CLN5: variants seen among roughly 807,000 people sequenced by gnomAD.
CLN5 encodes the protein CLN5 lysosomal BMP synthase, also known as bis(monoacylglycero)phosphate synthase CLN5.
CLN5 carries 34 observed loss-of-function variants against 36.7 expected under a neutral mutation model. The ratio of observed to expected loss-of-function variants is 0.93; its 90% CI spans 0.71 to 1.23. CLN5 has a LOEUF of 1.23. Ranked by LOEUF, CLN5 falls within the 50% of genes most tolerant of loss-of-function variation. The pLI, the probability that CLN5 is intolerant of heterozygous loss-of-function variation, is 0.00. For synonymous variants in CLN5, 151 were observed against 155.1 expected (o/e 0.97, Z 0.20); for missense variants, 427 against 439.4 (o/e 0.97, Z 0.25).
chr13:76,998,974 A>G (rs375194106), intron 3 of CLN5: 3 of 152,200 alleles, frequency 2.0e-5, no homozygotes, highest in Non-Finnish European at 2.9e-5. Flanking sequence ...AGTGATCACT[A>G]TTTTTTGTAA....
Position 77,001,049 on chromosome 13 carries a change from C to A in CLN5, c.*80C>A. The stretch of plus-strand genomic sequence containing the variant: ...GGGGTGATTTTACTTTTGTGAATTC[C>A]TTAGCCTTTCTTCCTTGGTGCATAA... On this transcript the variant is annotated 3_prime_UTR_variant, in exon 4 of 4. Coordinates refer to ENST00000377453, the MANE Select transcript of CLN5 (RefSeq NM_006493.4). The A allele has an allele frequency of 1.6e-6, 2 of 1,258,948 alleles. No individual in the cohort carries two copies. The highest frequency in any genetic ancestry group is 2.3e-6 in the Non-Finnish European group (2 of 885,738). The allele number at this position is 1,258,948 out of a possible 1,614,324, so 78.0% of individuals were successfully genotyped here.
At position 76,995,245 on chromosome 13, in the gene CLN5, G is replaced by T. The variant is rs753855242; in HGVS notation, c.339+17G>T. On this transcript the variant is annotated intron_variant, in intron 2 of 3. Coordinates refer to ENST00000377453, the MANE Select transcript of CLN5 (RefSeq NM_006493.4). ...GGACACTTGGTAAGGATGCATCTTG[G>T]TCTTATAACTTTGGTTAATTCAATG... 3 of 1,612,098 alleles carry T rather than the reference G, an allele frequency of 1.9e-6. No homozygotes were observed. Among genetic ancestry groups the T allele is most frequent in the African/African-American group, 1.3e-5 (1 of 74,848 alleles).
chr13:76,992,388 G>A (rs893001001), intron 1 of CLN5, 117 bp downstream of exon 1: 2 of 1,196,912 alleles, frequency 1.7e-6, no homozygotes. Context: ...GAGATGGTGC[G>A]GGGACAGCGC....
rs946887350 is a variant in CLN5, at chr13:76,996,231, G to A, written c.565+104G>A. The stretch of plus-strand genomic sequence containing the variant: ...CATTTCAGTAATGTTTTACTTAGAG[G>A]TCATTTGTAAAATGTACTTTTGGAA... On this transcript the variant is annotated intron_variant, in intron 3 of 3. Transcript: ENST00000377453. 6 of 994,144 alleles carry A rather than the reference G, an allele frequency of 6.0e-6. No individual in the cohort carries two copies. In the Admixed American group the frequency reaches 1.1e-4, roughly 18 times the overall value. 61.6% of individuals were successfully genotyped at this position (994,144 alleles called of 1,614,324 possible). A position where few individuals can be genotyped will look rare whatever the true frequency, so the allele number is the denominator to read the frequency against.
chr13:76,996,333 C>A (rs781382009), intron 3 of CLN5: 3 of 551,872 alleles, frequency 5.4e-6, no homozygotes, highest in Non-Finnish European at 6.4e-6. Context: ...TTGTGGGGAA[C>A]TGGTTATGTT....
rs760343764 is a variant in CLN5, at chr13:77,000,443, GT to G, written c.566-8del. Reference sequence around the variant, plus strand: ...TTTGTTCACTAGGTGACTTTGTTTTGTTTTTTTAAACTAGGAAACATGTTCA... The same window carrying G: ...TTTGTTCACTAGGTGACTTTGTTTTGTTTTTTAAACTAGGAAACATGTTCA... On this transcript the variant is annotated splice_polypyrimidine_tract_variant and intron_variant, in intron 3 of 3. Transcript: ENST00000377453. 2 of 1,588,958 alleles carry G rather than the reference GT, an allele frequency of 1.3e-6. No individual in the cohort carries two copies. The highest frequency in any genetic ancestry group is 2.2e-5 in the South Asian group (2 of 89,390).
At position 77,000,511 on chromosome 13, in the gene CLN5, A is replaced by T; in HGVS notation, c.619A>T (p.Ile207Phe). 6.2e-7 allele frequency: 1 copy of T among 1,613,926 alleles called. No homozygotes were observed. The highest frequency in any genetic ancestry group is 1.1e-5 in the South Asian group (1 of 91,022). Residue 207 changes from isoleucine (I) to phenylalanine (F), a missense_variant, in exon 4 of 4, where the codon ATT becomes TTT. Transcript: ENST00000377453. ...KWVKQDNETG[I>F]YYETWNVKAS... ...GGTGAAACAGGACAATGAAACAGGAATTTATTATGAGACATGGAATGTAAA... is the reference window on the plus strand; with the variant it reads ...GGTGAAACAGGACAATGAAACAGGATTTTATTATGAGACATGGAATGTAAA...
chr13:77,001,436 A>C lies in CLN5; in HGVS notation c.*467A>C, dbSNP rs1422503163. On this transcript the variant is annotated 3_prime_UTR_variant, in exon 4 of 4. Transcript: ENST00000377453. ...ACAACTTCTATAACTTTTGGAACCA[A>C]GTTTAGTATAGTCTGATTACATTCC... The C allele has an allele frequency of 6.3e-6, 1 of 157,774 alleles. No individual in the cohort carries two copies. The highest frequency in any genetic ancestry group is 1.4e-5 in the Non-Finnish European group (1 of 72,060). 9.8% of individuals were successfully genotyped at this position (157,774 alleles called of 1,614,324 possible). A position where few individuals can be genotyped will look rare whatever the true frequency, so the allele number is the denominator to read the frequency against.
At chr13:76,996,695 CATTG>C (rs1648596637) in intron 3 of CLN5, 1 of 154,144 alleles carries the variant, frequency 6.5e-6, no homozygotes, top group South Asian at 2.0e-4. Context: ...TTTATCCACT[CATTG>C]ATTGATGGGC....
intron 3 of CLN5, 124 bp downstream of exon 3, chr13:76,996,251 T>C: frequency 1.2e-6 from 1 of 834,178 alleles, no homozygotes; most frequent in Non-Finnish European, 1.9e-6. Flanking sequence ...AAATGTACTT[T>C]TGGAACCATT....
intron 1 of CLN5, 168 bp from the exon 2 acceptor site, chr13:76,994,895 A>G: frequency 3.3e-6 from 2 of 611,902 alleles, no homozygotes; most frequent in Non-Finnish European, 5.6e-6. Context: ...TTGCTATTAA[A>G]AACATTATTG....
intron 1 of CLN5, 110 bp downstream of exon 1, chr13:76,992,381 A>G: frequency 7.9e-7 from 1 of 1,266,604 alleles, no homozygotes; most frequent in Non-Finnish European, 1.1e-6. Context: ...GGGTCACGAG[A>G]TGGTGCGGGG....
intron 1 of CLN5, chr13:76,993,066 T>C (rs2034207537): frequency 6.6e-6 from 1 of 152,238 alleles, no homozygotes; most frequent in Non-Finnish European, 1.5e-5. Context: ...AATTTTAACT[T>C]ACTAGCATAA....
Position 76,995,992 on chromosome 13 carries a change from T to C in CLN5, c.430T>C (p.Cys144Arg), listed in dbSNP as rs1593911055. The stretch of plus-strand genomic sequence containing the variant: ...GTATGAACTTTTCCAACTTGGCAAC[T>C]GTACATTTCCCCATCTCCGACCTGA... ...EWYELFQLGNCTFPHLRPEMD... is the reference protein window; with the variant it reads ...EWYELFQLGNRTFPHLRPEMD... The change falls in exon 3 of 4, where the codon TGT becomes CGT. Residue 144 changes from cysteine to arginine, a missense_variant. By Grantham distance (180) the Cys-to-Arg change is radical (BLOSUM62 -3). Coordinates refer to ENST00000377453, the MANE Select transcript of CLN5 (RefSeq NM_006493.4). The C allele has an allele frequency of 6.2e-7, 1 of 1,614,124 alleles. No homozygotes were observed. Among genetic ancestry groups the C allele is most frequent in the Non-Finnish European group, 8.5e-7 (1 of 1,180,050 alleles).
chr13:76,995,724 G>A, intron 2 of CLN5, 178 bp from the exon 3 acceptor site: 1 of 662,436 alleles, frequency 1.5e-6, no homozygotes, highest in Non-Finnish European at 2.7e-6. Context: ...AAGCTGGGGT[G>A]GATGAGGGCC....
At chr13:76,999,596 A>C (rs375660520) in intron 3 of CLN5, 1 of 152,402 alleles carries the variant, frequency 6.6e-6, no homozygotes, top group East Asian at 1.9e-4. Context: ...GCTTGTTCTC[A>C]TAACAGTAAT....
Position 77,001,073 on chromosome 13 carries a change from A to AACTTTATGCACC in CLN5, c.*105_*106insCTTTATGCACCA. 2.0e-6 allele frequency: 2 copies of AACTTTATGCACC among 1,020,952 alleles called. No homozygotes were observed. Among genetic ancestry groups the AACTTTATGCACC allele is most frequent in the Non-Finnish European group, 2.9e-6 (2 of 684,040 alleles). 63.2% of individuals were successfully genotyped at this position (1,020,952 alleles called of 1,614,324 possible). On this transcript the variant is annotated 3_prime_UTR_variant, in exon 4 of 4. Coordinates refer to ENST00000377453, the MANE Select transcript of CLN5 (RefSeq NM_006493.4). ...CCTTAGCCTTTCTTCCTTGGTGCAT[A>AACTTTATGCACC]AAGTTAAAATGCACATCAGCAGAAT...
At chr13:76,997,070 T>A in intron 3 of CLN5, 1 of 152,232 alleles carries the variant, frequency 6.6e-6, no homozygotes, top group Middle Eastern at 3.2e-3. Context: ...AGCATTTTCA[T>A]GTTTCTTGGC....
rs1005623575 is a variant in CLN5, at chr13:77,004,846, T to C, written c.*3877T>C. ...CAACAGCCCAAATTACCAAGATAAG[T>C]TGAAAGCCAGTAAAACAATGAAAAT... On this transcript the variant is annotated 3_prime_UTR_variant, in exon 4 of 4. Transcript: ENST00000377453. The C allele has an allele frequency of 6.6e-6, 1 of 152,180 alleles. No homozygotes were observed. The highest frequency in any genetic ancestry group is 2.4e-5 in the African/African-American group (1 of 41,448). The allele number at this position is 152,180 out of a possible 1,614,324, so 9.4% of individuals were successfully genotyped here.
Sources: gnomAD v4.1 joint callset for allele counts on GRCh38, gnomAD v4.1.1 for gene constraint, MANE v1.5 for transcripts, NCBI Gene and HGNC (gene_info 2026-07-23, HGNC 2026-07-21) for gene names.